PRKCE: variants seen among roughly 807,000 people sequenced by gnomAD.
PRKCE encodes protein kinase C epsilon type.
Under a neutral mutation model 85.4 loss-of-function variants are expected in PRKCE, and 16 were observed. That is an observed-to-expected ratio of 0.19 (90% CI 0.13 to 0.28). The LOEUF is 0.28. Ranked by LOEUF, PRKCE falls within the 10% of genes least tolerant of loss-of-function variation. The pLI is 1.00. For synonymous variants in PRKCE, 388 were observed against 371.5 expected, an observed-to-expected ratio of 1.04 and a Z score of -0.51; for missense variants, 573 against 975.2, an observed-to-expected ratio of 0.59 and a Z score of 5.49.
intron 1 of PRKCE, among the ~76,000 whole-genome samples, chr2:45,828,820 A>C (rs1690168201): frequency 6.6e-6 from 1 of 152,184 alleles, no homozygotes; most frequent in African/African-American, 2.4e-5. Context: ...AAAAGTAGAA[A>C]GTTGAGAAAC....
chr2:46,001,683 GA>G lies in PRKCE; in HGVS notation c.966+144del. The G allele has an allele frequency of 3.9e-6, 4 of 1,032,582 alleles. No individual in the cohort carries two copies. Among genetic ancestry groups the G allele is most frequent in the Non-Finnish European group, 3.9e-6 (3 of 778,350 alleles). 64.0% of individuals were successfully genotyped at this position (1,032,582 alleles called of 1,614,324 possible). On this transcript the variant is annotated intron_variant, in intron 7 of 14. Coordinates refer to ENST00000306156, the MANE Select transcript of PRKCE (RefSeq NM_005400.3). This position sits in a 1 kb window ranked among gnomAD's most constrained non-coding sequence, Gnocchi z 4.4. ...TTTACTCAGAACTGCAGTACTTAAAGAAAAAAACAAAGATAGAAGCCAGGCA... is the reference window on the plus strand; with the variant it reads ...TTTACTCAGAACTGCAGTACTTAAAGAAAAAACAAAGATAGAAGCCAGGCA...
At chr2:46,044,336 A>G (rs949450844) in intron 10 of PRKCE, among the ~76,000 whole-genome samples, 3 of 152,210 alleles carry the variant, frequency 2.0e-5, no homozygotes, top group Admixed American at 2.0e-4. Flanking sequence ...CTGTTAGAGA[A>G]AGGAGATATC....
At chr2:45,948,500 A>C (rs994906950) in intron 2 of PRKCE, among the ~76,000 whole-genome samples, 1 of 152,154 alleles carries the variant, frequency 6.6e-6, no homozygotes, top group African/African-American at 2.4e-5. Context: ...ATTAGCTGGC[A>C]TGGTGGTGTA....
chr2:46,032,906 C>T (rs1430577392), intron 10 of PRKCE, among the ~76,000 whole-genome samples: 1 of 152,168 alleles, frequency 6.6e-6, no homozygotes, highest in Non-Finnish European at 1.5e-5. Context: ...GAGAAAAGAG[C>T]TCTCTTTCCC....
At chr2:45,999,757 T>G (rs1031451078) in intron 6 of PRKCE, among the ~76,000 whole-genome samples, 5 of 152,172 alleles carry the variant, frequency 3.3e-5, no homozygotes, top group Non-Finnish European at 7.3e-5. Context: ...ATGTTACACT[T>G]TTTGTAGTTA....
At chr2:46,112,022 C>T (rs2104233834) in intron 11 of PRKCE, among the ~76,000 whole-genome samples, 2 of 152,338 alleles carry the variant, frequency 1.3e-5, no homozygotes, top group South Asian at 4.1e-4. Context: ...TCACATCCCA[C>T]AGTGGTTTTG....
chr2:46,092,140 C>T (rs1028605312), intron 11 of PRKCE, among the ~76,000 whole-genome samples: 1 of 152,180 alleles, frequency 6.6e-6, no homozygotes, highest in Non-Finnish European at 1.5e-5. Context: ...CCTGCCTTGT[C>T]TCTTTCAAAA....
intron 1 of PRKCE, among the ~76,000 whole-genome samples, chr2:45,842,661 G>A (rs1209983350): frequency 6.6e-6 from 1 of 152,218 alleles, no homozygotes; most frequent in Non-Finnish European, 1.5e-5. Flanking sequence ...CCTGTGCACT[G>A]TAGAATGTTT....
intron 1 of PRKCE, chr2:45,686,427 A>C (rs991563326): frequency 1.3e-5 from 2 of 152,234 alleles, no homozygotes; most frequent in Admixed American, 6.5e-5. Context: ...TGGACAAAAG[A>C]GAAAAAGGTA....
intron 2 of PRKCE, among the ~76,000 whole-genome samples, chr2:45,917,370 T>C (rs1250493319): frequency 2.6e-5 from 4 of 151,488 alleles, no homozygotes; most frequent in Non-Finnish European, 4.4e-5. Flanking sequence ...AGAGTGCCAA[T>C]TGGTGTATTT....
intron 1 of PRKCE, among the ~76,000 whole-genome samples, chr2:45,833,726 A>G (rs1270079638): frequency 6.6e-6 from 1 of 152,260 alleles, no homozygotes. Context: ...TAAAGCACAC[A>G]CATTCAAATA....
chr2:45,958,464 G>T (rs1355427792), intron 2 of PRKCE, among the ~76,000 whole-genome samples: 3 of 147,100 alleles, frequency 2.0e-5, no homozygotes, highest in Non-Finnish European at 4.5e-5. Context: ...AGCTGAGATC[G>T]CACCACTGCA....
intron 1 of PRKCE, among the ~76,000 whole-genome samples, chr2:45,802,667 C>G (rs1228595155): frequency 6.6e-6 from 1 of 152,190 alleles, no homozygotes; most frequent in Non-Finnish European, 1.5e-5. Flanking sequence ...ATGCTCCACT[C>G]CGCCCCACTT....
intron 1 of PRKCE, among the ~76,000 whole-genome samples, chr2:45,717,728 G>A (rs1378200034): frequency 6.6e-6 from 1 of 152,148 alleles, no homozygotes; most frequent in African/African-American, 2.4e-5. Flanking sequence ...GACTCCTGAG[G>A]GTCCCTTACC....
intron 1 of PRKCE, among the ~76,000 whole-genome samples, chr2:45,749,867 A>G (rs1683410364): frequency 6.6e-6 from 1 of 152,248 alleles, no homozygotes; most frequent in South Asian, 2.1e-4. Context: ...AAACTAAAGT[A>G]TAAATGCCAC....
chr2:45,839,808 A>G (rs1691199335), intron 1 of PRKCE, among the ~76,000 whole-genome samples: 1 of 152,232 alleles, frequency 6.6e-6, no homozygotes, highest in South Asian at 2.1e-4. Context: ...TCGCTTGGCT[A>G]GCTGGGGCTT....
At chr2:46,126,252 G>A (rs1431407947) in intron 11 of PRKCE, among the ~76,000 whole-genome samples, 1 of 152,058 alleles carries the variant, frequency 6.6e-6, no homozygotes, top group Non-Finnish European at 1.5e-5. Flanking sequence ...ATTTACTAAG[G>A]GCCTATTACA....
At chr2:46,058,152 A>G (rs1028671968) in intron 10 of PRKCE, among the ~76,000 whole-genome samples, 7 of 152,252 alleles carry the variant, frequency 4.6e-5, no homozygotes, top group African/African-American at 1.4e-4. Context: ...CCCATTCGGT[A>G]AAGTGGCCTG....
At chr2:45,912,348 GC>G (rs1391610321) in intron 2 of PRKCE, among the ~76,000 whole-genome samples, 2 of 152,134 alleles carry the variant, frequency 1.3e-5, no homozygotes, top group African/African-American at 4.8e-5. Flanking sequence ...CAGGGCCTGG[GC>G]ACTGCCCTGG....
Sources: gnomAD v4.1 joint callset for allele counts (sites outside exome capture counted in the v4.1 genomes callset) on GRCh38, gnomAD v4.1.1 for gene constraint, Gnocchi (gnomAD v3.1) non-coding constraint, MANE v1.5 for transcripts, NCBI Gene and HGNC (gene_info 2026-07-23, HGNC 2026-07-21) for gene names.